The following CC2D2B variants were observed in gnomAD, a reference collection of about 807,000 sequenced individuals.
The protein encoded by CC2D2B is coiled-coil and C2 domain containing 2B, also known as protein CC2D2B.
Under a neutral mutation model 161.2 loss-of-function variants are expected in CC2D2B, and 128 were observed. That is an observed-to-expected ratio of 0.79 (90% CI 0.69 to 0.92). The LOEUF is 0.92. CC2D2B is among the 40% of genes least tolerant of loss of function. The probability of loss-of-function intolerance (pLI) is 0.00; values close to 1 mark genes in which losing one functional copy is unlikely to be tolerated. For synonymous variants in CC2D2B, 391 were observed against 449.8 expected (o/e 0.87, Z 1.65); for missense variants, 1,173 against 1,375.1 (o/e 0.85, Z 2.32).
At chr10:95,971,072 C>A (rs2077111121) in intron 15 of CC2D2B, among the ~76,000 whole-genome samples, 1 of 151,982 alleles carries the variant, frequency 6.6e-6, no homozygotes, top group Non-Finnish European at 1.5e-5. Context: ...CAGTATAAGT[C>A]AAAATAAGAT....
intron 9 of CC2D2B, among the ~76,000 whole-genome samples, chr10:95,949,524 G>C (rs1221837467): frequency 8.7e-6 from 1 of 115,104 alleles, no homozygotes; most frequent in Non-Finnish European, 1.8e-5. Context: ...GGGGGAGGGG[G>C]GAGGGATAGC....
At chr10:95,985,727 G>C (rs1393056055) in intron 19 of CC2D2B, among the ~76,000 whole-genome samples, 1 of 152,212 alleles carries the variant, frequency 6.6e-6, no homozygotes, top group Non-Finnish European at 1.5e-5. Context: ...AGGCAGAACA[G>C]AGCCATATTT....
chr10:95,984,897 A>G lies in CC2D2B; in HGVS notation c.2286+1088A>G, dbSNP rs550576582. On this transcript the variant is annotated intron_variant, in intron 19 of 34. Coordinates refer to ENST00000646931, the MANE Select transcript of CC2D2B (RefSeq NM_001349008.3). The stretch of plus-strand genomic sequence containing the variant: ...AAAAAAAAAAATTACACACACACCC[A>G]CATACACATGTGTGTGTATATATAT... 2.0e-5 allele frequency among the ~76,000 whole-genome samples: 3 copies of G among 152,172 alleles called. No homozygotes were observed. In the East Asian group the frequency reaches 5.8e-4, roughly 29 times the overall value.
At chr10:95,976,567 G>A (rs2077321263) in intron 17 of CC2D2B, among the ~76,000 whole-genome samples, 1 of 152,212 alleles carries the variant, frequency 6.6e-6, no homozygotes, top group Admixed American at 6.5e-5. Flanking sequence ...GCTCTGAGCA[G>A]TAGGTTCTAG....
At chr10:95,970,579 C>G (rs528835511) in intron 15 of CC2D2B, among the ~76,000 whole-genome samples, 1 of 152,320 alleles carries the variant, frequency 6.6e-6, no homozygotes, top group South Asian at 2.1e-4. Context: ...ATAAAATTCT[C>G]TATCTCAGTA....
intron 25 of CC2D2B, among the ~76,000 whole-genome samples, chr10:96,006,669 G>C (rs764345868): frequency 2.6e-5 from 4 of 152,038 alleles, no homozygotes; most frequent in Non-Finnish European, 4.4e-5. Flanking sequence ...TTATCTTCCA[G>C]GACAAAGATG....
chr10:95,912,361 T>C lies in CC2D2B; in HGVS notation c.36+1002T>C, dbSNP rs193040368. Among the ~76,000 whole-genome samples the C allele has an allele frequency of 2.0e-5, 3 of 152,340 alleles. No homozygotes were observed. The East Asian group carries it at 5.8e-4, about 29-fold the overall frequency. On this transcript the variant is annotated intron_variant, in intron 2 of 34. Coordinates refer to ENST00000646931, the MANE Select transcript of CC2D2B (RefSeq NM_001349008.3). ...TTTTAACATACTGAATTTTTGTTGA[T>C]GATACAACATTCAACTAGAATTACC...
rs371193350 is a variant in CC2D2B at position 96,031,783 on chromosome 10, T to C, written c.4126-37T>C. 4 of 1,541,150 alleles carry C rather than the reference T, an allele frequency of 2.6e-6. No homozygotes were observed. The African/African-American group carries it at 5.4e-5, about 21-fold the overall frequency. ...ACAGTAATTCCAGATTACCCAGTTG[T>C]AATGTGGGTTTATGTGCTGTTCTGT... On this transcript the variant is annotated intron_variant, in intron 34 of 34. Transcript: ENST00000646931.
intron 24 of CC2D2B, chr10:96,000,923 C>T (rs2078464096): frequency 6.6e-6 from 1 of 152,144 alleles, no homozygotes; most frequent in South Asian, 2.1e-4. Context: ...AAATTTTAGA[C>T]CATCGCATTT....
chr10:96,029,352 A>T (rs1443542292), intron 34 of CC2D2B, among the ~76,000 whole-genome samples: 2 of 146,934 alleles, frequency 1.4e-5, no homozygotes, highest in Admixed American at 6.9e-5. Context: ...AAAAATTTTT[A>T]AAAATGCATT....
At chr10:95,993,932 GT>G (rs2078092072) in intron 22 of CC2D2B, among the ~76,000 whole-genome samples, 1 of 7,308 alleles carries the variant, frequency 1.4e-4, no homozygotes, top group Non-Finnish European at 2.4e-4. Flanking sequence ...GTGTGTGTGT[GT>G]GTGTGTGTGT....
intron 5 of CC2D2B, among the ~76,000 whole-genome samples, chr10:95,926,007 A>T (rs774253303): frequency 5.9e-5 from 9 of 152,118 alleles, no homozygotes; most frequent in Non-Finnish European, 1.0e-4. Context: ...TTTAAAATGC[A>T]AGGTTTTTTT....
At chr10:95,936,291 T>C (rs542519010) in intron 6 of CC2D2B, among the ~76,000 whole-genome samples, 1 of 152,350 alleles carries the variant, frequency 6.6e-6, no homozygotes, top group African/African-American at 2.4e-5. Context: ...TAGTGACTAC[T>C]GTCCCCATCA....
intron 24 of CC2D2B, chr10:96,000,039 G>A (rs2078408264): frequency 2.1e-6 from 3 of 1,442,352 alleles, no homozygotes; most frequent in South Asian, 1.2e-5. Context: ...CCAACAGCAT[G>A]TTGGGTAACA....
intron 14 of CC2D2B, among the ~76,000 whole-genome samples, chr10:95,968,041 T>C (rs1220622624): frequency 6.6e-6 from 1 of 152,194 alleles, no homozygotes. Context: ...AAACAACGAA[T>C]GAAAGACTCT....
chr10:95,959,889 A>G (rs2076703289), intron 11 of CC2D2B, among the ~76,000 whole-genome samples: 1 of 152,210 alleles, frequency 6.6e-6, no homozygotes, highest in Non-Finnish European at 1.5e-5. Flanking sequence ...TAGGCAAAGT[A>G]CCTCTAAATT....
chr10:96,014,664 T>G (rs900014108), intron 29 of CC2D2B, among the ~76,000 whole-genome samples: 3 of 152,184 alleles, frequency 2.0e-5, no homozygotes, highest in African/African-American at 4.8e-5. Context: ...CTTATCTATG[T>G]CATACAGGAG....
chr10:96,021,824 TCTTA>T (rs1398360032), intron 32 of CC2D2B, among the ~76,000 whole-genome samples: 1 of 152,216 alleles, frequency 6.6e-6, no homozygotes, highest in Non-Finnish European at 1.5e-5. Flanking sequence ...GTCTGTAGTA[TCTTA>T]CTTATTTTTT....
chr10:95,981,169 G>A (rs531449355), intron 17 of CC2D2B, among the ~76,000 whole-genome samples: 57 of 152,170 alleles, frequency 3.7e-4, no homozygotes, highest in Non-Finnish European at 5.3e-4. Flanking sequence ...CAAGGGGGGC[G>A]GATCACAAGG....
Sources: allele counts gnomAD v4.1 joint callset (sites outside exome capture counted in the v4.1 genomes callset), GRCh38; gene constraint gnomAD v4.1.1; transcripts MANE v1.5; gene names NCBI Gene and HGNC (gene_info 2026-07-23, HGNC 2026-07-21).